Variants in MTFR1 observed in about 807,000 individuals in gnomAD.
The protein encoded by MTFR1 is mitochondrial fission regulator 1.
Under a neutral mutation model 38.8 loss-of-function variants are expected in MTFR1, and 28 were observed. The observed-to-expected ratio is 0.72, with a 90% confidence interval of 0.53 to 0.99. The LOEUF (loss-of-function observed/expected upper bound fraction) is 0.99. Among genes scored for constraint, MTFR1 ranks in the 50% least tolerant of loss-of-function variants. The probability of loss-of-function intolerance (pLI) is 0.00; values close to 1 mark genes in which losing one functional copy is unlikely to be tolerated. For missense variants in MTFR1, 358 were observed against 395.5 expected (o/e 0.91, Z 0.81); for synonymous variants, 145 against 137.0 (o/e 1.06, Z -0.41).
intron 1 of MTFR1, among the ~76,000 whole-genome samples, chr8:65,668,271 G>A (rs553996712): frequency 1.9e-4 from 28 of 147,338 alleles, no homozygotes; most frequent in Non-Finnish European, 3.0e-4. Context: ...CCCACCTCCC[G>A]GGATCAAGTG....
chr8:65,708,089 T>G (rs1805839759), intron 7 of MTFR1, 78 bp downstream of exon 7: 1 of 1,603,978 alleles, frequency 6.2e-7, no homozygotes, highest in Admixed American at 1.7e-5. Flanking sequence ...TTGCAAGTGA[T>G]TCACCTGTGT....
chr8:65,711,004 G>A (rs552587701), downstream of MTFR1, among the ~76,000 whole-genome samples: 35 of 152,282 alleles, frequency 2.3e-4, no homozygotes, highest in Non-Finnish European at 4.6e-4. Context: ...GAGAGAGAGA[G>A]AGAGAGAGAG....
intron 1 of MTFR1, among the ~76,000 whole-genome samples, chr8:65,648,032 G>A (rs922519196): frequency 2.0e-5 from 3 of 150,072 alleles, no homozygotes; most frequent in Admixed American, 1.3e-4. Context: ...TTTGTTTTGA[G>A]ATGGAGTCTC....
chr8:65,769,715 G>A (rs1041912247), intron 3 of MTFR1, among the ~76,000 whole-genome samples: 4 of 152,140 alleles, frequency 2.6e-5, no homozygotes, highest in Non-Finnish European at 5.9e-5. Context: ...GGCCAACATA[G>A]TGAAACCCCG....
chr8:65,660,866 G>A (rs1309578276), intron 1 of MTFR1, among the ~76,000 whole-genome samples: 3 of 152,164 alleles, frequency 2.0e-5, no homozygotes, highest in South Asian at 2.1e-4. Flanking sequence ...TGGTATCTCC[G>A]TAAAATGGAA....
intron 3 of MTFR1, among the ~76,000 whole-genome samples, chr8:65,693,177 C>T (rs1805333073): frequency 6.6e-6 from 1 of 151,936 alleles, no homozygotes; most frequent in African/African-American, 2.4e-5. Flanking sequence ...CTGAGGCAGG[C>T]CGATCACAAG....
At chr8:65,646,100 T>G (rs1247414359) in intron 1 of MTFR1, among the ~76,000 whole-genome samples, 2 of 152,202 alleles carry the variant, frequency 1.3e-5, no homozygotes, top group Non-Finnish European at 2.9e-5. Context: ...TGCTCTTGCT[T>G]TTGAATAGTA....
At chr8:65,746,397 T>C (rs760046110) in intron 3 of MTFR1, among the ~76,000 whole-genome samples, 3 of 152,178 alleles carry the variant, frequency 2.0e-5, no homozygotes, top group Admixed American at 6.5e-5. Context: ...TTATTTGTTA[T>C]TCAGTTTTTA....
At chr8:65,703,588 C>A (rs188343356) in intron 4 of MTFR1, among the ~76,000 whole-genome samples, 98 of 151,846 alleles carry the variant, frequency 6.5e-4, no homozygotes, top group African/African-American at 2.1e-3. Context: ...TGCCTGCCAC[C>A]ATACTCAGCT....
At chr8:65,655,958 A>ATATATATG (rs1554545352) in intron 1 of MTFR1, among the ~76,000 whole-genome samples, 12 of 37,856 alleles carry the variant, frequency 3.2e-4, no homozygotes, top group East Asian at 1.4e-3. Context: ...AAAAATATAT[A>ATATATATG]TATATATATA....
intron 3 of MTFR1, among the ~76,000 whole-genome samples, chr8:65,721,506 A>G (rs1345812427): frequency 5.3e-5 from 8 of 152,150 alleles, no homozygotes; most frequent in Admixed American, 5.2e-4. Context: ...CCGGTCCCCT[A>G]GGGTTGTTGT....
intron 3 of MTFR1, chr8:65,689,545 T>C (rs1248855669): frequency 8.0e-7 from 1 of 1,254,402 alleles, no homozygotes; most frequent in Non-Finnish European, 1.0e-6. Context: ...CACTTTTTTT[T>C]TCTTTTTCCA....
rs559697134 is a variant in MTFR1 at position 65,681,738 on chromosome 8, T to C, written c.67-615T>C. Among the ~76,000 whole-genome samples the C allele has an allele frequency of 9.9e-5, 15 of 151,834 alleles. 1 individual carries two copies. In the South Asian group the frequency reaches 3.1e-3, roughly 32 times the overall value. On this transcript the variant is annotated intron_variant, in intron 2 of 7. Transcript: ENST00000262146. ...AAGCATAGCATAATGTCCTGTTTTA[T>C]TATGATTTCATCTGAGAAATTCTGC...
chr8:65,673,180 G>A (rs973285480), intron 2 of MTFR1, among the ~76,000 whole-genome samples: 2 of 152,168 alleles, frequency 1.3e-5, no homozygotes, highest in Admixed American at 6.6e-5. Context: ...TCATTGTAGC[G>A]TTAAACTGGC....
At chr8:65,684,640 C>A (rs1324313010) in intron 3 of MTFR1, among the ~76,000 whole-genome samples, 3 of 151,926 alleles carry the variant, frequency 2.0e-5, no homozygotes, top group Non-Finnish European at 4.4e-5. Context: ...CCGCCTCAGG[C>A]TCCCAAAGTG....
At chr8:65,728,621 G>A (rs1346549051) in intron 3 of MTFR1, 2 of 152,138 alleles carry the variant, frequency 1.3e-5, no homozygotes, top group Non-Finnish European at 2.9e-5. Flanking sequence ...TAATCAAGAT[G>A]AACAGAATGC....
chr8:65,709,299 C>T lies in MTFR1; in HGVS notation c.*255C>T. On this transcript the variant is annotated 3_prime_UTR_variant, in exon 8 of 8. Coordinates refer to ENST00000262146, the MANE Select transcript of MTFR1 (RefSeq NM_014637.4). ...TATGTGGCCAGGGCGTTCAGATTTC[C>T]AGTTTTGAAAACAATTGTATAGATT... The T allele has an allele frequency of 2.5e-6, 1 of 396,440 alleles. No individual in the cohort carries two copies. Among genetic ancestry groups the T allele is most frequent in the Non-Finnish European group, 4.6e-6 (1 of 218,738 alleles). 24.6% of individuals were successfully genotyped at this position (396,440 alleles called of 1,614,324 possible).
chr8:65,734,226 C>T (rs1454434207), intron 3 of MTFR1, among the ~76,000 whole-genome samples: 2 of 152,290 alleles, frequency 1.3e-5, no homozygotes, highest in South Asian at 2.1e-4. Flanking sequence ...CTGCCCAAAC[C>T]AGTCTTCACT....
intron 1 of MTFR1, among the ~76,000 whole-genome samples, chr8:65,663,543 AAAAAG>A (rs1274593892): frequency 2.0e-5 from 3 of 151,878 alleles, no homozygotes; most frequent in Non-Finnish European, 2.9e-5. Flanking sequence ...AAAAAAAAAA[AAAAAG>A]AGCAAAAGAC....
Sources: gnomAD v4.1 joint callset for allele counts (sites outside exome capture counted in the v4.1 genomes callset) on GRCh38, gnomAD v4.1.1 for gene constraint, MANE v1.5 for transcripts, NCBI Gene and HGNC (gene_info 2026-07-23, HGNC 2026-07-21) for gene names.